The following USP7 variants were observed in gnomAD, a reference collection of about 807,000 sequenced individuals.
USP7 encodes ubiquitin C-terminal hydrolase 7.
A neutral mutation model predicts 162.9 loss-of-function variants in USP7; 9 were observed. The observed-to-expected ratio is 0.06, with a 90% CI of 0.03 to 0.10. The LOEUF (loss-of-function observed/expected upper bound fraction) is 0.10, where lower values mean the gene tolerates loss of function less well. Among genes scored for constraint, USP7 ranks in the 10% least tolerant of loss-of-function variants. The probability of loss-of-function intolerance (pLI) is 1.00; values close to 1 mark genes in which losing one functional copy is unlikely to be tolerated. For missense variants in USP7, 715 were observed against 1,373.7 expected, an observed-to-expected ratio of 0.52 and a Z score of 7.58; for synonymous variants, 562 against 475.9, an observed-to-expected ratio of 1.18 and a Z score of -2.35.
rs1042635047 is a variant in USP7 at position 8,910,845 on chromosome 16, G to C, written c.1079-18C>G. On this transcript the variant is annotated intron_variant, in intron 10 of 30. Transcript: ENST00000344836. ...TTCAAATACTTTAAAGAGAGAGAGA[G>C]AAAAGTCAAGTGCTAAAGCTTCATT... 6 of 1,594,824 alleles carry C rather than the reference G, an allele frequency of 3.8e-6. No homozygotes were observed. Among genetic ancestry groups the C allele is most frequent in the Non-Finnish European group, 5.2e-6 (6 of 1,163,752 alleles).
chr16:8,938,157 C>A (rs577388517), intron 1 of USP7, among the ~76,000 whole-genome samples: 1 of 152,016 alleles, frequency 6.6e-6, no homozygotes, highest in Non-Finnish European at 1.5e-5. Context: ...CAAACAGGCA[C>A]GACACTCCGA....
intron 1 of USP7, 75 bp downstream of exon 1, chr16:8,963,132 C>A: frequency 7.8e-7 from 1 of 1,280,770 alleles, no homozygotes; most frequent in South Asian, 1.6e-5. Flanking sequence ...GAGCCCCTCG[C>A]GTGGCTCCCG....
chr16:8,950,829 C>A (rs1159454584), intron 1 of USP7, among the ~76,000 whole-genome samples: 32 of 152,328 alleles, frequency 2.1e-4, no homozygotes, highest in Non-Finnish European at 1.0e-4. Flanking sequence ...TCTGAGCGGG[C>A]ACTATTTGTC....
chr16:8,900,090 C>G (rs766193921), intron 21 of USP7: 2 of 411,404 alleles, frequency 4.9e-6, no homozygotes, highest in African/African-American at 4.1e-5. Context: ...GGTGGTGGAG[C>G]CCAGTCTCTG....
At chr16:8,933,162 A>G (rs775681581) in intron 1 of USP7, among the ~76,000 whole-genome samples, 5 of 152,050 alleles carry the variant, frequency 3.3e-5, no homozygotes, top group Non-Finnish European at 5.9e-5. Context: ...CTGGTCTCAA[A>G]CTCCTGACCT....
At chr16:8,939,132 C>G (rs542345122) in intron 1 of USP7, among the ~76,000 whole-genome samples, 4 of 152,202 alleles carry the variant, frequency 2.6e-5, no homozygotes, top group Non-Finnish European at 1.5e-5. Flanking sequence ...CATGTACTTA[C>G]GTGTATTTAG....
chr16:8,908,154 T>A (rs1213244972), intron 12 of USP7, among the ~76,000 whole-genome samples, 187 bp downstream of exon 12: 1 of 152,164 alleles, frequency 6.6e-6, no homozygotes, highest in Non-Finnish European at 1.5e-5. Flanking sequence ...TCGGCAGAGG[T>A]TGACCTCTGA....
At chr16:8,961,454 T>G (rs1360502132) in intron 1 of USP7, among the ~76,000 whole-genome samples, 4 of 120,588 alleles carry the variant, frequency 3.3e-5, no homozygotes, top group Non-Finnish European at 6.4e-5. Context: ...ATCGCGCCAC[T>G]GCACTCCAGC....
At chr16:8,926,199 C>T (rs9933060) in intron 2 of USP7, among the ~76,000 whole-genome samples, 37,098 of 151,258 alleles carry the variant, frequency 0.25, 5,700 homozygotes, top group African/African-American at 0.44. Flanking sequence ...AAAGGTCGGC[C>T]GGGCGCGGTG....
chr16:8,912,334 CCCAG>C (rs1171382070), intron 10 of USP7, among the ~76,000 whole-genome samples: 1 of 151,860 alleles, frequency 6.6e-6, no homozygotes, highest in Non-Finnish European at 1.5e-5. Flanking sequence ...CACCTGTAAT[CCCAG>C]CTACTCAGGA....
In USP7 at chr16:8,951,451, G is replaced by A. The variant is rs1469217906; in HGVS notation, c.79+11756C>T. Among the ~76,000 whole-genome samples, 5 of 152,064 alleles carry A rather than the reference G, an allele frequency of 3.3e-5. No homozygotes were observed. In the East Asian group the frequency reaches 7.7e-4, roughly 23 times the overall value. The stretch of plus-strand genomic sequence containing the variant: ...CAAGGCTCCACAGAGAACACAGCCC[G>A]GGGAGCAGGGGGCTCACCCACCTCG... On this transcript the variant is annotated intron_variant, in intron 1 of 30. Coordinates refer to ENST00000344836, the MANE Select transcript of USP7 (RefSeq NM_003470.3).
At chr16:8,898,461 A>G in intron 24 of USP7, 24 bp from the exon 25 acceptor site, 1 of 1,609,364 alleles carries the variant, frequency 6.2e-7, no homozygotes. Flanking sequence ...AAAGATTCAC[A>G]TCAGATACCG....
At chr16:8,897,726 A>AAAAAAAAAATAT (rs1555461671) in intron 25 of USP7, among the ~76,000 whole-genome samples, 1 of 7,138 alleles carries the variant, frequency 1.4e-4, no homozygotes. Context: ...AAAAAAAAAA[A>AAAAAAAAAATAT]ATATATATAT....
At chr16:8,936,064 C>A (rs75556177) in intron 1 of USP7, among the ~76,000 whole-genome samples, 1 of 152,140 alleles carries the variant, frequency 6.6e-6, no homozygotes, top group African/African-American at 2.4e-5. Flanking sequence ...GGGCGGGGGT[C>A]GCGAACACAA....
intron 2 of USP7, among the ~76,000 whole-genome samples, chr16:8,929,994 G>C (rs1898227935): frequency 6.6e-6 from 1 of 152,206 alleles, no homozygotes; most frequent in Non-Finnish European, 1.5e-5. Flanking sequence ...AGACATGCTT[G>C]TTGTTCCCAA....
At chr16:8,902,031 G>A (rs376759701) in intron 18 of USP7, 51 bp downstream of exon 18, 2 of 1,460,952 alleles carry the variant, frequency 1.4e-6, no homozygotes, top group African/African-American at 2.8e-5. Context: ...AACAATCCAG[G>A]AATCCAACGC....
chr16:8,919,377 C>T (rs1241614652), intron 5 of USP7, among the ~76,000 whole-genome samples: 1 of 152,108 alleles, frequency 6.6e-6, no homozygotes, highest in Non-Finnish European at 1.5e-5. Context: ...CAGTGGCACT[C>T]CTGTCACTGA....
At chr16:8,962,022 T>A (rs947236460) in intron 1 of USP7, among the ~76,000 whole-genome samples, 3 of 152,258 alleles carry the variant, frequency 2.0e-5, no homozygotes, top group African/African-American at 7.2e-5. Flanking sequence ...ATCCAATTAC[T>A]GGAAGTAAGT....
chr16:8,940,419 CGA>C (rs1898984649), intron 1 of USP7, among the ~76,000 whole-genome samples: 1 of 152,192 alleles, frequency 6.6e-6, no homozygotes, highest in Non-Finnish European at 1.5e-5. Context: ...TTGAACACAA[CGA>C]GAGGCAGAAG....
Sources: allele counts gnomAD v4.1 joint callset (sites outside exome capture counted in the v4.1 genomes callset), GRCh38; gene constraint gnomAD v4.1.1; transcripts MANE v1.5; gene names NCBI Gene and HGNC (gene_info 2026-07-23, HGNC 2026-07-21).